Variants in CRPPA observed in about 807,000 individuals in gnomAD.
CRPPA encodes the protein D-ribitol-5-phosphate cytidylyltransferase.
A neutral mutation model predicts 52.0 loss-of-function variants in CRPPA; 43 were observed. The observed-to-expected ratio is 0.83, with a 90% CI of 0.65 to 1.07. CRPPA has a LOEUF of 1.07. Ranked by LOEUF, CRPPA falls within the 50% of genes least tolerant of loss-of-function variation. The pLI, the probability that CRPPA is intolerant of heterozygous loss-of-function variation, is 0.00. For missense variants in CRPPA, 629 were observed against 551.7 expected (o/e 1.14, Z -1.40); for synonymous variants, 250 against 203.5 (o/e 1.23, Z -1.94).
chr7:16,286,020 C>CAAAAAAAAAAAA (rs1166330678), intron 5 of CRPPA, among the ~76,000 whole-genome samples: 1 of 7,238 alleles, frequency 1.4e-4, no homozygotes, highest in African/African-American at 4.0e-4. Flanking sequence ...AACTCCATCT[C>CAAAAAAAAAAAA]AAAAAAAAAA....
At chr7:16,354,761 G>C (rs1026936816) in intron 3 of CRPPA, among the ~76,000 whole-genome samples, 2 of 152,044 alleles carry the variant, frequency 1.3e-5, no homozygotes, top group African/African-American at 4.8e-5. Context: ...CTTAATGGGA[G>C]GTTTCCTGAA....
In CRPPA at chr7:16,090,391, C is replaced by T. The variant is rs1781810049; in HGVS notation, c.*1304G>A. ...ATAGTTTCCACGTGCAGCCTAAGCC[C>T]TAATCTGTTTCAATAAAATAAATGT... On this transcript the variant is annotated 3_prime_UTR_variant, in exon 10 of 10. Coordinates refer to ENST00000407010, the MANE Select transcript of CRPPA (RefSeq NM_001101426.4). 1 of 151,854 alleles carries T rather than the reference C, an allele frequency of 6.6e-6. No individual in the cohort carries two copies. Among genetic ancestry groups the T allele is most frequent in the South Asian group, 2.1e-4 (1 of 4,804 alleles). The allele number at this position is 151,854 out of a possible 1,614,324, so 9.4% of individuals were successfully genotyped here. A position where few individuals can be genotyped will look rare whatever the true frequency, so the allele number is the denominator to read the frequency against.
rs561615611 is a variant in CRPPA at position 16,172,979 on chromosome 7, A to C, written c.1251+43087T>G. 3.3e-5 allele frequency among the ~76,000 whole-genome samples: 5 copies of C among 152,346 alleles called. No individual in the cohort carries two copies. The Middle Eastern group carries it at 0.01, about 311-fold the overall frequency. On this transcript the variant is annotated intron_variant, in intron 9 of 9. Transcript: ENST00000407010. ...CAACTGGAGAAATCCACAGTTCTCTATAGTTTTATCACTACAATTTTAAAT... is the reference window on the plus strand; with the variant it reads ...CAACTGGAGAAATCCACAGTTCTCTCTAGTTTTATCACTACAATTTTAAAT...
chr7:16,093,150 C>A (rs2128361472), intron 9 of CRPPA, among the ~76,000 whole-genome samples: 1 of 152,258 alleles, frequency 6.6e-6, no homozygotes, highest in Non-Finnish European at 1.5e-5. Flanking sequence ...CCAGATGATG[C>A]ATTTTTTGAT....
chr7:16,213,748 T>A (rs1342592169), intron 9 of CRPPA, among the ~76,000 whole-genome samples: 23 of 123,676 alleles, frequency 1.9e-4, no homozygotes, highest in African/African-American at 4.7e-4. Context: ...AAACTTCGGC[T>A]CAAAAAAAAA....
Position 16,091,472 on chromosome 7 carries a change from T to C in CRPPA, c.*223A>G, listed in dbSNP as rs1781835672. 1 of 394,842 alleles carries C rather than the reference T, an allele frequency of 2.5e-6. No homozygotes were observed. Among genetic ancestry groups the C allele is most frequent in the Non-Finnish European group, 4.4e-6 (1 of 225,306 alleles). The allele number at this position is 394,842 out of a possible 1,614,324, so 24.5% of individuals were successfully genotyped here. ...TATTATTTTCCACTTATCTACTATT[T>C]TTTTCTGGTTCAGGCAATTAATATT... On this transcript the variant is annotated 3_prime_UTR_variant, in exon 10 of 10. Coordinates refer to ENST00000407010, the MANE Select transcript of CRPPA (RefSeq NM_001101426.4).
At chr7:16,177,053 T>C (rs574537672) in intron 9 of CRPPA, among the ~76,000 whole-genome samples, 2 of 152,272 alleles carry the variant, frequency 1.3e-5, no homozygotes, top group Admixed American at 6.5e-5. Context: ...CTCAACTCAG[T>C]AAGTTACACA....
intron 6 of CRPPA, among the ~76,000 whole-genome samples, chr7:16,273,588 C>T (rs541211022): frequency 2.6e-5 from 4 of 152,142 alleles, no homozygotes; most frequent in Admixed American, 1.3e-4. Flanking sequence ...CACTTCCACT[C>T]GTCAGTAAAT....
At chr7:16,096,343 T>C (rs374029153) in intron 9 of CRPPA, among the ~76,000 whole-genome samples, 1 of 151,728 alleles carries the variant, frequency 6.6e-6, no homozygotes, top group East Asian at 1.9e-4. Context: ...GAGACATACA[T>C]TGGAATCATC....
At chr7:16,140,653 G>C (rs898759917) in intron 9 of CRPPA, among the ~76,000 whole-genome samples, 2 of 152,116 alleles carry the variant, frequency 1.3e-5, no homozygotes, top group Non-Finnish European at 2.9e-5. Flanking sequence ...ATCTTGTATA[G>C]AAAGCCCTTT....
intron 2 of CRPPA, among the ~76,000 whole-genome samples, chr7:16,379,200 G>T (rs191955134): frequency 0.02 from 2,984 of 152,266 alleles, 40 homozygotes; most frequent in South Asian, 0.066. Context: ...TGTCCTGAAT[G>T]GTAATGCCTA....
chr7:16,103,197 C>T (rs1223734365), intron 9 of CRPPA, among the ~76,000 whole-genome samples: 1 of 152,066 alleles, frequency 6.6e-6, no homozygotes, highest in African/African-American at 2.4e-5. Flanking sequence ...AGCAGACTAA[C>T]ACAGCAAGAG....
chr7:16,146,045 C>T (rs769925181), intron 9 of CRPPA, among the ~76,000 whole-genome samples: 1 of 151,884 alleles, frequency 6.6e-6, no homozygotes, highest in East Asian at 1.9e-4. Context: ...AAGTCAAAGA[C>T]AATGAGAGAA....
chr7:16,274,098 G>A (rs183972609), intron 6 of CRPPA, among the ~76,000 whole-genome samples: 48 of 152,292 alleles, frequency 3.2e-4, no homozygotes, highest in African/African-American at 1.2e-3. Context: ...CGCCCAGGCT[G>A]GAGTGCAGCG....
At chr7:16,207,715 T>C (rs1782005387) in intron 9 of CRPPA, among the ~76,000 whole-genome samples, 1 of 152,220 alleles carries the variant, frequency 6.6e-6, no homozygotes, top group Admixed American at 6.5e-5. Flanking sequence ...TGTCATGCCA[T>C]TATTTCTTCA....
intron 9 of CRPPA, among the ~76,000 whole-genome samples, chr7:16,159,440 G>A (rs1046249083): frequency 3.3e-5 from 5 of 152,232 alleles, no homozygotes; most frequent in South Asian, 2.1e-4. Context: ...GAGGACAGGC[G>A]GTGTTTGGTT....
At chr7:16,405,196 A>G (rs1210684822) in intron 2 of CRPPA, among the ~76,000 whole-genome samples, 1 of 152,074 alleles carries the variant, frequency 6.6e-6, no homozygotes, top group Non-Finnish European at 1.5e-5. Context: ...CATAGATGTT[A>G]TAATTCATCT....
intron 3 of CRPPA, among the ~76,000 whole-genome samples, chr7:16,356,328 A>C (rs1301040537): frequency 6.6e-6 from 1 of 152,208 alleles, no homozygotes; most frequent in Non-Finnish European, 1.5e-5. Context: ...GCACATCAAC[A>C]ACAATAAATA....
chr7:16,358,893 T>C (rs1786372193), intron 3 of CRPPA, among the ~76,000 whole-genome samples: 1 of 152,236 alleles, frequency 6.6e-6, no homozygotes, highest in East Asian at 1.9e-4. Flanking sequence ...TTTTTCAAGA[T>C]ATTAATGCCC....
Sources: gnomAD v4.1 joint callset for allele counts (sites outside exome capture counted in the v4.1 genomes callset) on GRCh38, gnomAD v4.1.1 for gene constraint, MANE v1.5 for transcripts, NCBI Gene and HGNC (gene_info 2026-07-23, HGNC 2026-07-21) for gene names.